TPRG1: variants seen among roughly 807,000 people sequenced by gnomAD.
TPRG1 encodes the protein tumor protein p63 regulated 1.
Under a neutral mutation model 29.3 loss-of-function variants are expected in TPRG1, and 29 were observed. The observed-to-expected ratio is 0.99, with a 90% CI of 0.74 to 1.35. TPRG1 has a LOEUF of 1.35. TPRG1 is among the 40% of genes most tolerant of loss of function. TPRG1 has a pLI of 0.00. For synonymous variants in TPRG1, 130 were observed against 116.8 expected, an observed-to-expected ratio of 1.11 and a Z score of -0.73; for missense variants, 327 against 335.0, an observed-to-expected ratio of 0.98 and a Z score of 0.19.
intron 2 of TPRG1, among the ~76,000 whole-genome samples, chr3:189,211,369 A>C (rs1735233630): frequency 6.6e-6 from 1 of 152,218 alleles, no homozygotes; most frequent in African/African-American, 2.4e-5. Context: ...CCGATGCCAT[A>C]ATCAGAAAGA....
intron 4 of TPRG1, among the ~76,000 whole-genome samples, chr3:189,244,951 A>C (rs1741158062): frequency 6.6e-6 from 1 of 151,694 alleles, no homozygotes; most frequent in African/African-American, 2.4e-5. Context: ...AGGCAGTTTC[A>C]CTCTTGTTGC....
At chr3:189,104,256 A>G (rs979965818) in intron 1 of TPRG1, among the ~76,000 whole-genome samples, 5 of 152,202 alleles carry the variant, frequency 3.3e-5, no homozygotes, top group Non-Finnish European at 7.4e-5. Context: ...TGAGAATAGC[A>G]TCTACCTCAC....
At position 189,321,736 on chromosome 3, in the gene TPRG1, C is replaced by T. The variant is rs996703527; in HGVS notation, c.*916C>T. On this transcript the variant is annotated 3_prime_UTR_variant, in exon 6 of 6. Coordinates refer to ENST00000345063, the MANE Select transcript of TPRG1 (RefSeq NM_198485.4). ...TGTTCAAATATATATTTTTTAATAA[C>T]AGACCTTTTTCTTCTAAAGAAATCT... 3 of 152,066 alleles carry T rather than the reference C, an allele frequency of 2.0e-5. No individual in the cohort carries two copies. Among genetic ancestry groups the T allele is most frequent in the African/African-American group, 7.2e-5 (3 of 41,418 alleles). The allele number at this position is 152,066 out of a possible 1,614,324, so 9.4% of individuals were successfully genotyped here.
chr3:189,315,295 T>C (rs1315431561), intron 5 of TPRG1, among the ~76,000 whole-genome samples: 3 of 151,658 alleles, frequency 2.0e-5, no homozygotes, highest in East Asian at 1.9e-4. Flanking sequence ...TGTGTGTGTG[T>C]GTGTGTGTGT....
intron 5 of TPRG1, among the ~76,000 whole-genome samples, chr3:189,155,171 TG>T (rs1261480136): frequency 1.3e-5 from 2 of 152,060 alleles, no homozygotes; most frequent in African/African-American, 4.8e-5. Context: ...GCCTGGATCA[TG>T]GGGGCCTTGG....
intron 5 of TPRG1, among the ~76,000 whole-genome samples, chr3:189,156,448 T>TA (rs1352281643): frequency 6.6e-6 from 1 of 152,064 alleles, no homozygotes; most frequent in African/African-American, 2.4e-5. Context: ...GTTTTGGAGT[T>TA]AGAGTCAGTG....
chr3:189,248,927 A>G (rs1365650761), intron 4 of TPRG1, among the ~76,000 whole-genome samples: 1 of 151,188 alleles, frequency 6.6e-6, no homozygotes, highest in Non-Finnish European at 1.5e-5. Flanking sequence ...TTAGCATATC[A>G]CTATTATACT....
chr3:189,139,591 T>C (rs1277182933), intron 3 of TPRG1, among the ~76,000 whole-genome samples: 2 of 152,060 alleles, frequency 1.3e-5, no homozygotes, highest in Non-Finnish European at 2.9e-5. Flanking sequence ...TTTTTCCTTT[T>C]CTGGCAAAAC....
intron 2 of TPRG1, among the ~76,000 whole-genome samples, chr3:189,208,412 A>G (rs1734740926): frequency 6.6e-6 from 1 of 152,176 alleles, no homozygotes; most frequent in Non-Finnish European, 1.5e-5. Context: ...TGTACGTGGG[A>G]GATCTTTTTG....
At chr3:189,312,099 T>C (rs1235677289) in intron 5 of TPRG1, among the ~76,000 whole-genome samples, 1 of 55,818 alleles carries the variant, frequency 1.8e-5, no homozygotes, top group Admixed American at 1.5e-4. Flanking sequence ...CTTTCTTTGT[T>C]TCTTTGTTTC....
rs535467266 is a variant in TPRG1, at chr3:189,056,053, C to T, written c.-463+32107C>T. On this transcript the variant is annotated intron_variant, in intron 4 of 10. Transcript: ENST00000433971. ...CCTCCCTTCCTTCCTTCCTTCCTTC[C>T]TTCCTTCCTTCCTTCCTTCCTTCCT... is the stretch of plus-strand genomic sequence containing the variant. Among the ~76,000 whole-genome samples the T allele has an allele frequency of 8.9e-5, 11 of 122,986 alleles. No individual in the cohort carries two copies. In the South Asian group the frequency reaches 3.8e-3, roughly 42 times the overall value. The allele number at this position is 122,986 out of a possible 152,430, so 80.7% of individuals were successfully genotyped here. A position where few individuals can be genotyped will look rare whatever the true frequency, so the allele number is the denominator to read the frequency against.
chr3:189,196,827 G>A (rs1732615791), intron 1 of TPRG1, among the ~76,000 whole-genome samples: 1 of 152,136 alleles, frequency 6.6e-6, no homozygotes, highest in Admixed American at 6.5e-5. Flanking sequence ...AATTTCATTA[G>A]AATAATAAAG....
intron 3 of TPRG1, chr3:189,219,748 G>C (rs1233131281): frequency 8.8e-7 from 1 of 1,137,342 alleles, no homozygotes; most frequent in African/African-American, 1.7e-5. Context: ...AGTGTGAAGT[G>C]GTGGTGGGCG....
At chr3:189,238,239 C>T (rs1162362876) in intron 3 of TPRG1, among the ~76,000 whole-genome samples, 5 of 152,206 alleles carry the variant, frequency 3.3e-5, no homozygotes, top group African/African-American at 1.2e-4. Context: ...TGGAAGACAG[C>T]GGACCTGTGT....
chr3:189,254,368 T>C (rs144017886), intron 4 of TPRG1, among the ~76,000 whole-genome samples: 1,935 of 152,226 alleles, frequency 0.013, 44 homozygotes, highest in African/African-American at 0.045. Flanking sequence ...CTGTTCTGTT[T>C]CATTGGTCTA....
At chr3:189,096,258 C>T (rs1718672600), upstream of TPRG1, among the ~76,000 whole-genome samples, 1 of 152,176 alleles carries the variant, frequency 6.6e-6, no homozygotes, top group African/African-American at 2.4e-5. Flanking sequence ...AGTGCCACCC[C>T]ATCACTACTG....
intron 2 of TPRG1, among the ~76,000 whole-genome samples, chr3:189,214,709 C>T (rs940685459): frequency 2.0e-5 from 3 of 152,076 alleles, no homozygotes; most frequent in Non-Finnish European, 2.9e-5. Context: ...GTGATTCTGA[C>T]GGGCATTGAA....
At chr3:189,294,685 C>G (rs985081029) in intron 4 of TPRG1, among the ~76,000 whole-genome samples, 1 of 152,092 alleles carries the variant, frequency 6.6e-6, no homozygotes, top group Non-Finnish European at 1.5e-5. Context: ...TTAATTTCCT[C>G]ATAAATATAG....
At chr3:189,173,402 C>T (rs1342973548) in intron 1 of TPRG1, among the ~76,000 whole-genome samples, 16 of 146,356 alleles carry the variant, frequency 1.1e-4, no homozygotes, top group East Asian at 4.0e-4. Flanking sequence ...GGTAGTGGCG[C>T]GATCTCGGCT....
Sources: gnomAD v4.1 joint callset for allele counts (sites outside exome capture counted in the v4.1 genomes callset) on GRCh38, gnomAD v4.1.1 for gene constraint, MANE v1.5 for transcripts, NCBI Gene and HGNC (gene_info 2026-07-23, HGNC 2026-07-21) for gene names.